The following TACC1 variants were observed in gnomAD, a reference collection of about 807,000 sequenced individuals.
TACC1 encodes the protein transforming acidic coiled-coil containing protein 1.
TACC1 carries 48 observed loss-of-function variants against 84.4 expected under a neutral mutation model. The ratio of observed to expected loss-of-function variants is 0.57; its 90% CI spans 0.45 to 0.72. TACC1 has a LOEUF of 0.72. Among genes scored for constraint, TACC1 ranks in the 30% least tolerant of loss-of-function variants. The pLI, the probability that TACC1 is intolerant of heterozygous loss-of-function variation, is 0.00. For synonymous variants in TACC1, 372 were observed against 376.3 expected (o/e 0.99, Z 0.13); for missense variants, 920 against 973.0 (o/e 0.95, Z 0.72).
chr8:38,755,707 A>AAACAAC (rs71216684), intron 3 of TACC1, among the ~76,000 whole-genome samples: 14,915 of 140,754 alleles, frequency 0.11, 796 homozygotes, highest in African/African-American at 0.12. Flanking sequence ...CGGTCTTTCA[A>AAACAAC]AACAACAACA....
Position 38,787,249 on chromosome 8 carries a change from G to C in TACC1, c.-334G>C, listed in dbSNP as rs1817426643. The C allele has an allele frequency of 3.9e-6, 4 of 1,025,452 alleles. No individual in the cohort carries two copies. The highest frequency in any genetic ancestry group is 4.7e-6 in the Non-Finnish European group (4 of 856,634). 63.5% of individuals were successfully genotyped at this position (1,025,452 alleles called of 1,614,324 possible). A position where few individuals can be genotyped will look rare whatever the true frequency, so the allele number is the denominator to read the frequency against. ...GCCGGGAGGCGGGAGTCCGCGAGCC[G>C]GGAGCGGGAGCAGCAGAGGTCTAGC... On this transcript the variant is annotated 5_prime_UTR_variant, in exon 1 of 13. Transcript: ENST00000317827.
intron 3 of TACC1, among the ~76,000 whole-genome samples, chr8:38,823,717 G>C (rs568535478): frequency 4.6e-5 from 7 of 152,148 alleles, no homozygotes; most frequent in Non-Finnish European, 8.8e-5. Context: ...AGGAGTGCTA[G>C]ACCTCTTGGA....
chr8:38,807,640 G>A (rs1023612632), intron 2 of TACC1, among the ~76,000 whole-genome samples: 3 of 152,190 alleles, frequency 2.0e-5, no homozygotes, highest in African/African-American at 7.2e-5. Flanking sequence ...ACATGTAAAA[G>A]CAGCTAACCA....
intron 2 of TACC1, among the ~76,000 whole-genome samples, chr8:38,804,542 C>T (rs1587833874): frequency 6.6e-6 from 1 of 152,180 alleles, no homozygotes; most frequent in Non-Finnish European, 1.5e-5. Context: ...CTCAGGTGAT[C>T]CACCAACCTC....
At chr8:38,788,646 C>T in intron 1 of TACC1, 58 bp from the exon 2 acceptor site, 1 of 1,322,056 alleles carries the variant, frequency 7.6e-7, no homozygotes, top group Non-Finnish European at 1.1e-6. Context: ...ATGTAGATTT[C>T]AAAGGGTGTC....
At chr8:38,821,212 A>T (rs1032572687) in intron 3 of TACC1, among the ~76,000 whole-genome samples, 1 of 152,162 alleles carries the variant, frequency 6.6e-6, no homozygotes, top group African/African-American at 2.4e-5. Flanking sequence ...CAAAAAAAAA[A>T]AAAGAATGGC....
At chr8:38,825,461 C>T in intron 4 of TACC1, 93 bp downstream of exon 4, 1 of 1,306,752 alleles carries the variant, frequency 7.7e-7, no homozygotes. Flanking sequence ...AAAGGACTTT[C>T]CAATGGGTAC....
chr8:38,845,895 C>T (rs1223396833), intron 11 of TACC1, among the ~76,000 whole-genome samples: 1 of 152,192 alleles, frequency 6.6e-6, no homozygotes, highest in Non-Finnish European at 1.5e-5. Flanking sequence ...AATCAATTTT[C>T]AAAGCTTATC....
chr8:38,831,303 T>A, intron 6 of TACC1, 126 bp downstream of exon 6: 2 of 947,794 alleles, frequency 2.1e-6, no homozygotes, highest in Non-Finnish European at 3.3e-6. Context: ...AATGAGATAG[T>A]TTCTTCACTT....
intron 2 of TACC1, 75 bp from the exon 3 acceptor site, chr8:38,819,447 A>G: frequency 1.4e-6 from 2 of 1,460,496 alleles, no homozygotes; most frequent in Non-Finnish European, 9.1e-7. Flanking sequence ...ATTTGTTTAT[A>G]TGAATTCAGG....
intron 3 of TACC1, among the ~76,000 whole-genome samples, chr8:38,762,433 A>G (rs899546337): frequency 1.3e-5 from 2 of 152,190 alleles, no homozygotes; most frequent in Admixed American, 1.3e-4. Flanking sequence ...AGGTGTGTCC[A>G]TGTCGTAGCA....
At chr8:38,729,159 C>T (rs758151940) in intron 1 of TACC1, among the ~76,000 whole-genome samples, 2 of 152,078 alleles carry the variant, frequency 1.3e-5, no homozygotes. Flanking sequence ...GGCTGTTTTC[C>T]GGGACCTGGG....
At chr8:38,847,601 C>T (rs1359318552) in intron 12 of TACC1, among the ~76,000 whole-genome samples, 1 of 152,216 alleles carries the variant, frequency 6.6e-6, no homozygotes. Context: ...CAGACTCCAG[C>T]ATCCCTAGAT....
chr8:38,735,452 C>T (rs530517547), intron 1 of TACC1, among the ~76,000 whole-genome samples: 5 of 152,230 alleles, frequency 3.3e-5, no homozygotes, highest in African/African-American at 4.8e-5. Context: ...ATCTGGCTTC[C>T]GGGTAGATTT....
intron 3 of TACC1, 25 bp downstream of exon 3, chr8:38,820,660 T>G: frequency 6.3e-7 from 1 of 1,583,254 alleles, no homozygotes; most frequent in South Asian, 1.1e-5. Context: ...GCGCTGGGTG[T>G]CGTGCTCTGT....
In TACC1 at chr8:38,836,340, A is replaced by G. The variant is rs541084029; in HGVS notation, c.1839+53A>G. 4.9e-5 allele frequency: 78 copies of G among 1,583,202 alleles called. No individual in the cohort carries two copies. The African/African-American group carries it at 8.8e-4, about 18-fold the overall frequency. ...ATCACTCCATTTCTTTGTAAGGCCC[A>G]TGTACCAGCAGGTAGATTGCATCTC... On this transcript the variant is annotated intron_variant, in intron 7 of 12. Coordinates refer to ENST00000317827, the MANE Select transcript of TACC1 (RefSeq NM_006283.3).
chr8:38,797,983 A>G (rs1175147221), intron 2 of TACC1, among the ~76,000 whole-genome samples: 2 of 152,232 alleles, frequency 1.3e-5, no homozygotes, highest in African/African-American at 4.8e-5. Flanking sequence ...TGAGAAGAGA[A>G]GACACATTCA....
At chr8:38,799,783 A>AG in intron 2 of TACC1, 1 of 152,306 alleles carries the variant, frequency 6.6e-6, no homozygotes, top group Middle Eastern at 3.4e-3. Context: ...CCTCAAGAGA[A>AG]ATTTAAAACC....
chr8:38,821,749 C>A (rs1826864159), intron 3 of TACC1, among the ~76,000 whole-genome samples: 1 of 152,156 alleles, frequency 6.6e-6, no homozygotes, highest in African/African-American at 2.4e-5. Context: ...GATGATAATA[C>A]AATCATACAT....
Sources: allele counts gnomAD v4.1 joint callset (sites outside exome capture counted in the v4.1 genomes callset), GRCh38; gene constraint gnomAD v4.1.1; transcripts MANE v1.5; gene names NCBI Gene and HGNC (gene_info 2026-07-23, HGNC 2026-07-21).